The following AKAP9 variants were observed in gnomAD, a reference collection of about 807,000 sequenced individuals.
The protein encoded by AKAP9 is A-kinase anchoring protein 9.
Under a neutral mutation model 488.5 loss-of-function variants are expected in AKAP9, and 311 were observed. The observed-to-expected ratio is 0.64, with a 90% confidence interval of 0.58 to 0.70. The LOEUF is 0.70. Ranked by LOEUF, AKAP9 falls within the 30% of genes least tolerant of loss-of-function variation. AKAP9 has a pLI of 0.00. For missense variants in AKAP9, 4,215 were observed against 4,374.5 expected, an observed-to-expected ratio of 0.96 and a Z score of 1.03; for synonymous variants, 1,462 against 1,483.5, an observed-to-expected ratio of 0.99 and a Z score of 0.33.
intron 1 of AKAP9, among the ~76,000 whole-genome samples, chr7:91,973,340 A>C (rs1343706044): frequency 6.6e-6 from 1 of 152,134 alleles, no homozygotes; most frequent in Non-Finnish European, 1.5e-5. Flanking sequence ...GCGCTACTGC[A>C]CTCCAGCCTG....
At chr7:91,988,956 A>G (rs1237543002) in intron 3 of AKAP9, among the ~76,000 whole-genome samples, 1 of 152,208 alleles carries the variant, frequency 6.6e-6, no homozygotes, top group African/African-American at 2.4e-5. Flanking sequence ...ATGGGGGACG[A>G]TGATATCTAC....
chr7:91,947,086 T>C (rs2130448689), intron 1 of AKAP9, among the ~76,000 whole-genome samples: 1 of 152,284 alleles, frequency 6.6e-6, no homozygotes, highest in Middle Eastern at 3.4e-3. Context: ...TTAACATCCA[T>C]TTAAAAACTA....
intron 38 of AKAP9, chr7:92,092,432 A>T (rs767956307): frequency 2.0e-5 from 3 of 152,174 alleles, no homozygotes; most frequent in Non-Finnish European, 4.4e-5. Context: ...ACTTTGTGTG[A>T]CTATCAGAAA....
At chr7:92,107,229 T>C in intron 47 of AKAP9, 64 bp from the exon 48 acceptor site, 5 of 1,536,582 alleles carry the variant, frequency 3.3e-6, no homozygotes, top group Non-Finnish European at 4.5e-6. Flanking sequence ...ACCTATTTTG[T>C]AGAAATTTTT....
chr7:92,005,436 C>T (rs1799702247), intron 8 of AKAP9, among the ~76,000 whole-genome samples: 7 of 151,902 alleles, frequency 4.6e-5, no homozygotes, highest in Admixed American at 3.9e-4. Flanking sequence ...TTTGAGAGAG[C>T]GGGAGAGTGG....
At chr7:92,037,976 C>T (rs1261202094) in intron 16 of AKAP9, among the ~76,000 whole-genome samples, 2 of 152,016 alleles carry the variant, frequency 1.3e-5, no homozygotes, top group Non-Finnish European at 2.9e-5. Flanking sequence ...TATAGTTAAG[C>T]TACAAAAACT....
rs764914445 is a variant in AKAP9 at position 92,038,788 on chromosome 7, T to G, written c.4692+16T>G. On this transcript the variant is annotated intron_variant, in intron 17 of 49. Transcript: ENST00000356239. ...TAGACAGTCTGTAAGTATGCCTCCT[T>G]GAATATAAAAAACTTATTTAAAAAT... 3 of 1,526,698 alleles carry G rather than the reference T, an allele frequency of 2.0e-6. No homozygotes were observed. The highest frequency in any genetic ancestry group is 3.6e-5 in the Admixed American group (2 of 55,670). The allele number at this position is 1,526,698 out of a possible 1,614,324, so 94.6% of individuals were successfully genotyped here. A position where few individuals can be genotyped will look rare whatever the true frequency, so the allele number is the denominator to read the frequency against.
In AKAP9 at chr7:92,082,412, T is replaced by G. The variant is rs1187479859; in HGVS notation, c.8020-110T>G. The G allele has an allele frequency of 1.6e-5, 19 of 1,187,756 alleles. No homozygotes were observed. The South Asian group carries it at 2.0e-4, about 12-fold the overall frequency. 73.6% of individuals were successfully genotyped at this position (1,187,756 alleles called of 1,614,324 possible). ...AGCATTGATTTGTTCCAACTCCTTA[T>G]ATCTGTAGGCAGTCATTCCTTGGAT... On this transcript the variant is annotated intron_variant, in intron 31 of 49. Transcript: ENST00000356239.
intron 46 of AKAP9, among the ~76,000 whole-genome samples, chr7:92,104,959 G>A (rs1818285151): frequency 6.6e-6 from 1 of 152,112 alleles, no homozygotes; most frequent in African/African-American, 2.4e-5. Flanking sequence ...TTTGATTAGA[G>A]GGATCTAGAG....
chr7:91,973,947 T>A lies in AKAP9; in HGVS notation c.285T>A (p.His95Gln), dbSNP rs779119676. Residue 95 changes from histidine (H) to glutamine (Q), a missense_variant, in exon 2 of 50, where the codon CAT becomes CAA. By Grantham distance (24) the His-to-Gln change is conservative. Coordinates refer to ENST00000356239, the MANE Select transcript of AKAP9 (RefSeq NM_005751.5). ...RTLHSGEITS[H>Q]EQGFSVELES... ...TACATAGTGGAGAAATAACCAGTCATGAGCAGGGCTTCTCTGTGGAAGTAA... is the reference window on the plus strand; with the variant it reads ...TACATAGTGGAGAAATAACCAGTCAAGAGCAGGGCTTCTCTGTGGAAGTAA... 3.7e-6 allele frequency: 6 copies of A among 1,613,974 alleles called. No individual in the cohort carries two copies. The highest frequency in any genetic ancestry group is 5.1e-6 in the Non-Finnish European group (6 of 1,179,996).
intron 41 of AKAP9, 59 bp from the exon 42 acceptor site, chr7:92,097,527 G>A: frequency 6.4e-7 from 1 of 1,565,400 alleles, no homozygotes; most frequent in Non-Finnish European, 8.8e-7. Flanking sequence ...CCTTAAGATA[G>A]ACTGTGATAT....
At chr7:92,041,943 C>T (rs1162017487) in intron 18 of AKAP9, 103 bp from the exon 19 acceptor site, 4 of 1,227,430 alleles carry the variant, frequency 3.3e-6, no homozygotes, top group Non-Finnish European at 3.5e-6. Flanking sequence ...ATAAGTAGAA[C>T]CAGGGCCTGT....
At chr7:91,991,199 G>T (rs1488421992) in intron 3 of AKAP9, among the ~76,000 whole-genome samples, 2 of 152,140 alleles carry the variant, frequency 1.3e-5, no homozygotes, top group Admixed American at 1.3e-4. Flanking sequence ...AAATATTTTA[G>T]AGGACACATC....
At chr7:92,005,716 A>C (rs1364032161) in intron 8 of AKAP9, among the ~76,000 whole-genome samples, 4 of 152,084 alleles carry the variant, frequency 2.6e-5, no homozygotes, top group South Asian at 4.1e-4. Flanking sequence ...CCCGGGCTGG[A>C]GTGCAGTGGC....
chr7:92,046,467 G>T (rs780316548), intron 21 of AKAP9, among the ~76,000 whole-genome samples: 1 of 152,228 alleles, frequency 6.6e-6, no homozygotes, highest in Non-Finnish European at 1.5e-5. Flanking sequence ...GGCCAGTAGT[G>T]TGTTTCTAGG....
intron 16 of AKAP9, among the ~76,000 whole-genome samples, chr7:92,032,470 T>C (rs1804423779): frequency 6.7e-6 from 1 of 148,156 alleles, no homozygotes. Context: ...TACTCCAGCT[T>C]GGCCAACAAA....
intron 1 of AKAP9, among the ~76,000 whole-genome samples, chr7:91,962,655 G>T (rs985030207): frequency 1.3e-5 from 2 of 152,114 alleles, no homozygotes; most frequent in African/African-American, 4.8e-5. Flanking sequence ...AAAATAATAT[G>T]ACTTCATATA....
chr7:92,085,759 A>G, intron 36 of AKAP9, 73 bp downstream of exon 36: 2 of 1,131,420 alleles, frequency 1.8e-6, no homozygotes, highest in Admixed American at 2.5e-5. Flanking sequence ...TATAAATTAA[A>G]TTATCTTTTA....
At chr7:91,956,679 C>CT (rs1421608449) in intron 1 of AKAP9, among the ~76,000 whole-genome samples, 1 of 151,912 alleles carries the variant, frequency 6.6e-6, no homozygotes, top group Non-Finnish European at 1.5e-5. Flanking sequence ...ACCCAGATTG[C>CT]TAATAGCTTC....
Sources: gnomAD v4.1 joint callset for allele counts (sites outside exome capture counted in the v4.1 genomes callset) on GRCh38, gnomAD v4.1.1 for gene constraint, MANE v1.5 for transcripts, NCBI Gene and HGNC (gene_info 2026-07-23, HGNC 2026-07-21) for gene names.